RYR2: variants seen among roughly 807,000 people sequenced by gnomAD.
RYR2 encodes the protein cardiac muscle ryanodine receptor-calcium release channel.
In RYR2, 227 loss-of-function variants were observed where a neutral mutation model predicts 601.1. That is an observed-to-expected ratio of 0.38 (90% CI 0.34 to 0.42). The LOEUF (loss-of-function observed/expected upper bound fraction) is 0.42. RYR2 is among the 10% of genes least tolerant of loss of function. The pLI, the probability that RYR2 is intolerant of heterozygous loss-of-function variation, is 1.00. For missense variants in RYR2, 4,646 were observed against 6,156.5 expected (o/e 0.75, Z 8.21); for synonymous variants, 2,223 against 2,175.1 (o/e 1.02, Z -0.61).
chr1:237,326,609 C>A (rs150298984), intron 2 of RYR2, among the ~76,000 whole-genome samples: 2 of 152,068 alleles, frequency 1.3e-5, no homozygotes, highest in African/African-American at 2.4e-5. Flanking sequence ...TAATGCAGAG[C>A]GTACTATATG....
chr1:237,511,651 G>A (rs1248979151), intron 23 of RYR2, 37 bp from the exon 24 acceptor site: 1 of 1,466,750 alleles, frequency 6.8e-7, no homozygotes. Flanking sequence ...GCCTGGCATT[G>A]GAGACTATTT....
chr1:237,664,491 A>G (rs1470212805), intron 56 of RYR2, among the ~76,000 whole-genome samples: 15 of 152,236 alleles, frequency 9.9e-5, no homozygotes, highest in South Asian at 2.1e-4. Context: ...GGTGGAAGGT[A>G]ACAGGCACAT....
At chr1:237,647,417 T>C (rs913561914) in intron 48 of RYR2, among the ~76,000 whole-genome samples, 12 of 152,362 alleles carry the variant, frequency 7.9e-5, no homozygotes, top group Middle Eastern at 3.4e-3. Context: ...ATTCTTATAA[T>C]GTAAGGAAAG....
At chr1:237,110,574 G>A (rs1440758124) in intron 1 of RYR2, among the ~76,000 whole-genome samples, 1 of 152,022 alleles carries the variant, frequency 6.6e-6, no homozygotes, top group Non-Finnish European at 1.5e-5. Flanking sequence ...TTTCATCCAC[G>A]TCCCTAAGTT....
At chr1:237,752,948 A>G (rs1692656639) in intron 80 of RYR2, among the ~76,000 whole-genome samples, 1 of 152,148 alleles carries the variant, frequency 6.6e-6, no homozygotes, top group South Asian at 2.1e-4. Flanking sequence ...TATTATGAAA[A>G]CCTTTTCTAC....
intron 35 of RYR2, among the ~76,000 whole-genome samples, chr1:237,606,821 A>G (rs963556041): frequency 6.6e-6 from 1 of 152,268 alleles, no homozygotes; most frequent in East Asian, 1.9e-4. Flanking sequence ...CAGACACGAA[A>G]AAATGCTCAT....
At chr1:237,431,525 A>G (rs1265645832) in intron 12 of RYR2, among the ~76,000 whole-genome samples, 1 of 152,218 alleles carries the variant, frequency 6.6e-6, no homozygotes, top group East Asian at 1.9e-4. Context: ...GAATTTGGCA[A>G]TAATTCAACA....
intron 8 of RYR2, among the ~76,000 whole-genome samples, chr1:237,384,972 C>T (rs1385747187): frequency 6.6e-6 from 1 of 152,118 alleles, no homozygotes; most frequent in African/African-American, 2.4e-5. Context: ...TCACTGCAAG[C>T]TCTGCCTCCC....
At chr1:237,809,764 A>G (rs1165712887) in intron 100 of RYR2, among the ~76,000 whole-genome samples, 1 of 152,182 alleles carries the variant, frequency 6.6e-6, no homozygotes, top group Non-Finnish European at 1.5e-5. Flanking sequence ...AAATAGCCCA[A>G]AAGATTGATG....
intron 1 of RYR2, among the ~76,000 whole-genome samples, chr1:237,184,272 T>A (rs142478989): frequency 7.2e-5 from 11 of 152,186 alleles, no homozygotes; most frequent in African/African-American, 2.6e-4. Flanking sequence ...AATGAGGAGG[T>A]GGCTGAAGAG....
chr1:237,571,701 T>G (rs1422284166), intron 29 of RYR2, among the ~76,000 whole-genome samples: 4 of 152,250 alleles, frequency 2.6e-5, no homozygotes, highest in Non-Finnish European at 5.9e-5. Flanking sequence ...ATTCATTCAT[T>G]TAGCTAGCTT....
At chr1:237,415,255 A>G (rs12145251) in intron 10 of RYR2, among the ~76,000 whole-genome samples, 36,156 of 152,002 alleles carry the variant, frequency 0.24, 4,378 homozygotes, top group African/African-American at 0.29. Context: ...GAGGGTGCAC[A>G]TAAGGATTTC....
At chr1:237,087,374 T>C (rs576875587) in intron 1 of RYR2, among the ~76,000 whole-genome samples, 18 of 151,852 alleles carry the variant, frequency 1.2e-4, no homozygotes, top group Non-Finnish European at 1.8e-4. Context: ...TCCTCCTCCT[T>C]CTTTGTTGCT....
chr1:237,423,289 C>A, intron 12 of RYR2, 41 bp downstream of exon 12: 1 of 1,585,512 alleles, frequency 6.3e-7, no homozygotes, highest in South Asian at 1.2e-5. Context: ...AAATGTTACC[C>A]GGTCATATTT....
At chr1:237,567,740 C>T (rs1012796534) in intron 28 of RYR2, among the ~76,000 whole-genome samples, 3 of 150,224 alleles carry the variant, frequency 2.0e-5, no homozygotes, top group Non-Finnish European at 4.4e-5. Context: ...TTCCTTTTCA[C>T]ATGAGGGGGA....
rs1197613873 is a variant in RYR2, at chr1:237,798,147, G to C, written c.14067G>C (p.Lys4689Asn). ...ATGCCAGAGAAAAGAAGAAGCCAAA[G>C]AAAGACAGCTCCTTATCAGCTGTGT... ...FSDAREKKKP[K>N]KDSSLSAVLN... is the part of the protein sequence containing the mutation. Residue 4689 changes from lysine (K) to asparagine (N), a missense_variant, in exon 97 of 105, where the codon AAG becomes AAC. Around this residue, in one of 17 missense-constraint regions of RYR2, gnomAD observed 76 missense variants for 97.4 expected, o/e 0.78. Transcript: ENST00000366574. 1 of 1,612,532 alleles carries C rather than the reference G, an allele frequency of 6.2e-7. No individual in the cohort carries two copies. The highest frequency in any genetic ancestry group is 8.5e-7 in the Non-Finnish European group (1 of 1,179,280).
chr1:237,737,385 C>T (rs1289756131), intron 79 of RYR2, among the ~76,000 whole-genome samples: 1 of 152,096 alleles, frequency 6.6e-6, no homozygotes, highest in Admixed American at 6.6e-5. Flanking sequence ...TATGTGCCAC[C>T]CAGAAGTTAA....
intron 84 of RYR2, 119 bp downstream of exon 84, chr1:237,761,147 T>C: frequency 1.5e-6 from 1 of 680,722 alleles, no homozygotes; most frequent in South Asian, 1.9e-5. Context: ...ATGAAATGCT[T>C]ACATGACTCA....
chr1:237,638,413 G>C lies in RYR2; in HGVS notation c.6849G>C (p.Lys2283Asn), dbSNP rs1558114884. The C allele has an allele frequency of 1.2e-6, 2 of 1,613,852 alleles. No homozygotes were observed. Among genetic ancestry groups the C allele is most frequent in the Non-Finnish European group, 1.7e-6 (2 of 1,179,870 alleles). ...AAAGTTGCCAGATGCTGGTGTCTAA[G>C]GGCTATCCAGACATTGGGTGGAACC... is the stretch of plus-strand genomic sequence containing the variant. Reference protein sequence around the residue: ...GLQSCQMLVSKGYPDIGWNPV... With the variant: ...GLQSCQMLVSNGYPDIGWNPV... The change falls in exon 45 of 105, where the codon AAG becomes AAC. Residue 2283 changes from lysine to asparagine, a missense_variant. Lys to Asn is a moderately conservative substitution (Grantham distance 94, BLOSUM62 0). Coordinates refer to ENST00000366574, the MANE Select transcript of RYR2 (RefSeq NM_001035.3).
Sources: gnomAD v4.1 joint callset for allele counts (sites outside exome capture counted in the v4.1 genomes callset) on GRCh38, gnomAD v4.1.1 for gene constraint, gnomAD v4.1.1 regional missense constraint, MANE v1.5 for transcripts, NCBI Gene and HGNC (gene_info 2026-07-23, HGNC 2026-07-21) for gene names.